Variants in CNTNAP2 observed in about 807,000 individuals in gnomAD.
CNTNAP2 encodes the protein contactin-associated protein-like 2.
In CNTNAP2, 98 loss-of-function variants were observed where a neutral mutation model predicts 155.2. That is an observed-to-expected ratio of 0.63 (90% CI 0.54 to 0.75). CNTNAP2 has a LOEUF of 0.75. Among genes scored for constraint, CNTNAP2 ranks in the 30% least tolerant of loss-of-function variants. The pLI is 0.00. For synonymous variants in CNTNAP2, 651 were observed against 631.2 expected, an observed-to-expected ratio of 1.03 and a Z score of -0.47; for missense variants, 1,727 against 1,688.1, an observed-to-expected ratio of 1.02 and a Z score of -0.40.
chr7:147,394,807 TTGTGTGTGTGTGTGTG>T (rs61695156), intron 9 of CNTNAP2, among the ~76,000 whole-genome samples: 18 of 139,346 alleles, frequency 1.3e-4, no homozygotes, highest in East Asian at 6.3e-4. Context: ...ATCAACAGTA[TTGTGTGTGTGTGTGTG>T]TGTGTGTGTG....
chr7:148,371,808 C>T (rs1295820732), intron 21 of CNTNAP2, among the ~76,000 whole-genome samples: 1 of 152,216 alleles, frequency 6.6e-6, no homozygotes, highest in East Asian at 1.9e-4. Flanking sequence ...AGGCTGCAGA[C>T]ATGTGCAGCA....
intron 21 of CNTNAP2, among the ~76,000 whole-genome samples, chr7:148,279,270 A>C (rs1016199871): frequency 3.3e-5 from 5 of 152,210 alleles, no homozygotes; most frequent in Non-Finnish European, 7.3e-5. Context: ...TTTCAAATAC[A>C]GTTGTGGAGT....
intron 8 of CNTNAP2, among the ~76,000 whole-genome samples, chr7:147,273,503 C>T (rs932728541): frequency 8.6e-5 from 13 of 151,862 alleles, no homozygotes; most frequent in African/African-American, 3.1e-4. Context: ...TCAACCTTCA[C>T]CCGCTCTGAC....
In CNTNAP2 at chr7:148,298,986, T is replaced by C. The variant is rs973555624; in HGVS notation, c.3475+31860T>C. Reference sequence around the variant, plus strand: ...AAGTAAGTCATGGCACCTGGCCAACTTTTTTTTTTTTTCTTTTTTTTTGAG... The same window carrying C: ...AAGTAAGTCATGGCACCTGGCCAACCTTTTTTTTTTTTCTTTTTTTTTGAG... On this transcript the variant is annotated intron_variant, in intron 21 of 23. Coordinates refer to ENST00000361727, the MANE Select transcript of CNTNAP2 (RefSeq NM_014141.6). Among the ~76,000 whole-genome samples the C allele has an allele frequency of 7.0e-5, 10 of 142,798 alleles. 1 individual carries two copies. Among genetic ancestry groups the C allele is most frequent in the Admixed American group, 6.3e-4 (9 of 14,288 alleles). The allele number at this position is 142,798 out of a possible 152,430, so 93.7% of individuals were successfully genotyped here.
intron 1 of CNTNAP2, among the ~76,000 whole-genome samples, chr7:146,474,714 TTTTA>T (rs1163408863): frequency 6.6e-6 from 1 of 152,222 alleles, no homozygotes; most frequent in Non-Finnish European, 1.5e-5. Flanking sequence ...GTTAATTGTA[TTTTA>T]TTTAAGAATT....
intron 1 of CNTNAP2, among the ~76,000 whole-genome samples, chr7:146,409,641 T>C (rs970630268): frequency 2.0e-5 from 3 of 152,164 alleles, no homozygotes; most frequent in African/African-American, 7.2e-5. Context: ...TGTTAGCTTT[T>C]CTAATTTTCT....
intron 13 of CNTNAP2, among the ~76,000 whole-genome samples, chr7:147,866,901 C>G (rs1157429680): frequency 6.6e-6 from 1 of 152,094 alleles, no homozygotes; most frequent in African/African-American, 2.4e-5. Flanking sequence ...ACTCTTTATC[C>G]AATTTGCCAA....
intron 10 of CNTNAP2, among the ~76,000 whole-genome samples, chr7:147,475,495 T>C (rs1798303786): frequency 6.6e-6 from 1 of 152,170 alleles, no homozygotes; most frequent in African/African-American, 2.4e-5. Flanking sequence ...GTTCAAACCC[T>C]TTACTCATAT....
At chr7:147,346,558 A>C (rs2116869565) in intron 9 of CNTNAP2, among the ~76,000 whole-genome samples, 1 of 152,328 alleles carries the variant, frequency 6.6e-6, no homozygotes, top group East Asian at 1.9e-4. Flanking sequence ...AAACATATTA[A>C]ACATATTAAA....
chr7:146,251,588 C>G (rs1799757922), intron 1 of CNTNAP2, among the ~76,000 whole-genome samples: 1 of 152,152 alleles, frequency 6.6e-6, no homozygotes. Context: ...GACCTCATAA[C>G]ACATGATAGA....
chr7:148,405,603 A>ATTTTTTTT lies in CNTNAP2; in HGVS notation c.3716-3762_3716-3755dup, dbSNP rs535094195. Among the ~76,000 whole-genome samples the ATTTTTTTT allele has an allele frequency of 2.2e-4, 8 of 36,830 alleles. 1 individual carries two copies. The highest frequency in any genetic ancestry group is 2.7e-4 in the Non-Finnish European group (6 of 22,516). The allele number at this position is 36,830 out of a possible 152,430, so 24.2% of individuals were successfully genotyped here. A position where few individuals can be genotyped will look rare whatever the true frequency, so the allele number is the denominator to read the frequency against. On this transcript the variant is annotated intron_variant, in intron 22 of 23. Coordinates refer to ENST00000361727, the MANE Select transcript of CNTNAP2 (RefSeq NM_014141.6). ...AGGCACGTGCCACCATGCACAGCTA[A>ATTTTTTTT]TTTTTTTTTTTTTTTTTTTTTTTTT...
chr7:146,663,150 T>C (rs1800122156), intron 1 of CNTNAP2, among the ~76,000 whole-genome samples: 1 of 151,780 alleles, frequency 6.6e-6, no homozygotes, highest in South Asian at 2.1e-4. Context: ...TGGTGGTGCA[T>C]GCCTGTAACC....
intron 9 of CNTNAP2, among the ~76,000 whole-genome samples, chr7:147,364,265 T>C (rs1369453408): frequency 2.0e-5 from 3 of 152,216 alleles, no homozygotes; most frequent in Non-Finnish European, 1.5e-5. Context: ...AGTGTCACTG[T>C]GTAATATTGC....
chr7:146,911,572 C>T (rs1036488610), intron 3 of CNTNAP2, among the ~76,000 whole-genome samples: 12 of 147,986 alleles, frequency 8.1e-5, no homozygotes, highest in African/African-American at 2.0e-4. Context: ...AACCAAACAC[C>T]GTATATTCTC....
intron 1 of CNTNAP2, among the ~76,000 whole-genome samples, chr7:146,696,653 T>C (rs1431816463): frequency 1.3e-5 from 2 of 152,112 alleles, no homozygotes; most frequent in East Asian, 3.9e-4. Context: ...ATACATGCAT[T>C]CAGTGCTACA....
intron 15 of CNTNAP2, among the ~76,000 whole-genome samples, chr7:148,090,410 T>G (rs1075235): frequency 0.012 from 1,819 of 152,120 alleles, 122 homozygotes; most frequent in Admixed American, 0.098. Context: ...AATTCAGTAG[T>G]AAGAAAACAA....
intron 4 of CNTNAP2, among the ~76,000 whole-genome samples, chr7:147,099,212 C>T (rs753192083): frequency 3.9e-5 from 6 of 152,018 alleles, no homozygotes; most frequent in Admixed American, 1.3e-4. Context: ...ATAGGGAAGA[C>T]GGATCATGGT....
chr7:147,686,018 G>A (rs978949419), intron 13 of CNTNAP2, among the ~76,000 whole-genome samples: 1 of 151,890 alleles, frequency 6.6e-6, no homozygotes, highest in Admixed American at 6.6e-5. Context: ...GAGAGGGAGG[G>A]CCATTAGTGG....
At chr7:146,703,069 A>G (rs776454398) in intron 1 of CNTNAP2, among the ~76,000 whole-genome samples, 1 of 152,186 alleles carries the variant, frequency 6.6e-6, no homozygotes, top group Non-Finnish European at 1.5e-5. Flanking sequence ...ATAAATTCTT[A>G]ACCCATTAAA....
Sources: gnomAD v4.1 joint callset for allele counts (sites outside exome capture counted in the v4.1 genomes callset) on GRCh38, gnomAD v4.1.1 for gene constraint, MANE v1.5 for transcripts, NCBI Gene and HGNC (gene_info 2026-07-23, HGNC 2026-07-21) for gene names.